LDLRAD3: variants seen among roughly 807,000 people sequenced by gnomAD.
The protein encoded by LDLRAD3 is low density lipoprotein receptor class A domain containing 3.
In LDLRAD3, 20 loss-of-function variants were observed where a neutral mutation model predicts 29.4. That is an observed-to-expected ratio of 0.68 (90% confidence interval 0.48 to 0.99). The LOEUF is 0.99. Ranked by LOEUF, LDLRAD3 falls within the 50% of genes least tolerant of loss-of-function variation. The probability of loss-of-function intolerance (pLI) is 0.00; values close to 1 mark genes in which losing one functional copy is unlikely to be tolerated. For missense variants in LDLRAD3, 420 were observed against 454.3 expected (o/e 0.92, Z 0.69); for synonymous variants, 157 against 192.7 (o/e 0.81, Z 1.53).
At chr11:36,002,639 G>A (rs763492359) in intron 1 of LDLRAD3, among the ~76,000 whole-genome samples, 6 of 152,204 alleles carry the variant, frequency 3.9e-5, no homozygotes, top group Non-Finnish European at 5.9e-5. Context: ...GGGTCCACTG[G>A]AACCTCACTT....
chr11:36,185,854 C>T (rs1200429867), intron 4 of LDLRAD3, among the ~76,000 whole-genome samples: 2 of 152,206 alleles, frequency 1.3e-5, no homozygotes, highest in South Asian at 2.1e-4. Flanking sequence ...ATGCATTATG[C>T]TCTGTTGGCT....
At chr11:36,205,089 CT>C (rs1565303237) in intron 4 of LDLRAD3, among the ~76,000 whole-genome samples, 1 of 152,158 alleles carries the variant, frequency 6.6e-6, no homozygotes, top group Non-Finnish European at 1.5e-5. Flanking sequence ...AGTTTCCAAG[CT>C]CAGCTGGGAC....
chr11:35,950,858 C>T (rs551927965), intron 1 of LDLRAD3, among the ~76,000 whole-genome samples: 36 of 152,140 alleles, frequency 2.4e-4, no homozygotes, highest in African/African-American at 6.7e-4. Flanking sequence ...CCGAGGTGGG[C>T]GGATCACGAA....
chr11:36,026,695 A>G (rs1852171651), intron 1 of LDLRAD3, among the ~76,000 whole-genome samples: 1 of 152,240 alleles, frequency 6.6e-6, no homozygotes, highest in Non-Finnish European at 1.5e-5. Flanking sequence ...TGCTCATTAT[A>G]TGCTAATTAC....
chr11:36,170,870 T>G (rs1158253291), intron 4 of LDLRAD3, among the ~76,000 whole-genome samples: 3 of 151,898 alleles, frequency 2.0e-5, no homozygotes, highest in Admixed American at 2.0e-4. Flanking sequence ...GGCGCGATCT[T>G]GGCTCACTGA....
intron 1 of LDLRAD3, among the ~76,000 whole-genome samples, chr11:35,994,897 G>A (rs1851734739): frequency 1.3e-5 from 2 of 152,210 alleles, no homozygotes; most frequent in African/African-American, 4.8e-5. Flanking sequence ...TCCTGAGATT[G>A]CATCAATTCA....
At chr11:36,113,238 G>A (rs968089219) in intron 4 of LDLRAD3, among the ~76,000 whole-genome samples, 3 of 152,164 alleles carry the variant, frequency 2.0e-5, no homozygotes, top group African/African-American at 7.2e-5. Flanking sequence ...CCATCGTGAA[G>A]TGGCTAAAAT....
chr11:36,057,920 G>A (rs896434291), intron 2 of LDLRAD3, among the ~76,000 whole-genome samples: 1 of 152,192 alleles, frequency 6.6e-6, no homozygotes. Flanking sequence ...GAAATCTTGT[G>A]CAAGTCACTG....
Position 36,018,578 on chromosome 11 carries a change from C to T in LDLRAD3, c.47-17525C>T, listed in dbSNP as rs78694362. ...AACCCAGCCTTTTATGTGTTTCTCCCTGCATTTATATATTTCTAAGGCTAG... is the reference window on the plus strand; with the variant it reads ...AACCCAGCCTTTTATGTGTTTCTCCTTGCATTTATATATTTCTAAGGCTAG... On this transcript the variant is annotated intron_variant, in intron 1 of 5. Coordinates refer to ENST00000315571, the MANE Select transcript of LDLRAD3 (RefSeq NM_174902.4). Among the ~76,000 whole-genome samples the T allele has an allele frequency of 1.4e-3, 217 of 152,214 alleles. 5 individuals are homozygous for T. In the East Asian group the frequency reaches 0.036, roughly 25 times the overall value.
At chr11:36,215,569 T>G (rs1855341292) in intron 4 of LDLRAD3, among the ~76,000 whole-genome samples, 1 of 152,124 alleles carries the variant, frequency 6.6e-6, no homozygotes. Context: ...TCATCCTGCC[T>G]GCACTGGGAC....
intron 4 of LDLRAD3, among the ~76,000 whole-genome samples, chr11:36,223,245 T>C (rs1484670649): frequency 6.6e-6 from 1 of 152,184 alleles, no homozygotes; most frequent in Admixed American, 6.5e-5. Flanking sequence ...AAGAGAGGTC[T>C]GAAGAGAGCC....
chr11:36,138,176 C>T (rs941551120), intron 4 of LDLRAD3, among the ~76,000 whole-genome samples: 3 of 152,204 alleles, frequency 2.0e-5, no homozygotes, highest in African/African-American at 7.2e-5. Flanking sequence ...GCTCTGGATT[C>T]AGAGAGATCT....
intron 4 of LDLRAD3, among the ~76,000 whole-genome samples, chr11:36,210,745 A>T (rs2133381401): frequency 6.6e-6 from 1 of 152,286 alleles, no homozygotes; most frequent in East Asian, 1.9e-4. Context: ...CCACCCAGGG[A>T]GGTGGTGGTG....
chr11:36,145,393 C>T (rs1175574944), intron 4 of LDLRAD3, among the ~76,000 whole-genome samples: 2 of 101,854 alleles, frequency 2.0e-5, no homozygotes, highest in African/African-American at 9.2e-5. Context: ...GGGGGGTCAG[C>T]CCCCCGCCCA....
chr11:36,054,793 C>CATGG (rs751739083), intron 2 of LDLRAD3, among the ~76,000 whole-genome samples: 52 of 109,542 alleles, frequency 4.7e-4, no homozygotes, highest in Admixed American at 1.1e-3. Context: ...ATGATGGGTA[C>CATGG]ATGGATGGAT....
At chr11:36,157,970 C>T (rs544751726) in intron 4 of LDLRAD3, among the ~76,000 whole-genome samples, 1 of 152,270 alleles carries the variant, frequency 6.6e-6, no homozygotes, top group Admixed American at 6.5e-5. Flanking sequence ...GCAATTTGGA[C>T]CCCAACCTAC....
intron 2 of LDLRAD3, among the ~76,000 whole-genome samples, chr11:36,063,080 C>CT (rs1302666971): frequency 6.6e-6 from 1 of 152,080 alleles, no homozygotes; most frequent in Non-Finnish European, 1.5e-5. Flanking sequence ...TTTGAGAGGC[C>CT]TGAAAGTCCT....
chr11:36,200,909 T>C (rs527264195), intron 4 of LDLRAD3, among the ~76,000 whole-genome samples: 1 of 152,310 alleles, frequency 6.6e-6, no homozygotes, highest in East Asian at 1.9e-4. Context: ...ACATGATCAA[T>C]GTCTCCTTCC....
Position 36,098,371 on chromosome 11 carries a change from A to C in LDLRAD3, c.364A>C (p.Asn122His). The change falls in exon 4 of 6, where the codon AAC becomes CAC. Residue 122 changes from asparagine (N) to histidine (H), a missense_variant. By Grantham distance (68) the Asn-to-His change is moderately conservative. Coordinates refer to ENST00000315571, the MANE Select transcript of LDLRAD3 (RefSeq NM_174902.4). ...CTCCACCGCCCGCTACCACTGCAAG[A>C]ACGGCCTCTGTATTGACAAGAGCTT... is the stretch of plus-strand genomic sequence containing the variant. ...LCSTARYHCKNGLCIDKSFIC... is the reference protein window; with the variant it reads ...LCSTARYHCKHGLCIDKSFIC... 1 of 1,614,230 alleles carries C rather than the reference A, an allele frequency of 6.2e-7. No individual in the cohort carries two copies. The highest frequency in any genetic ancestry group is 8.5e-7 in the Non-Finnish European group (1 of 1,180,040).
Sources: gnomAD v4.1 joint callset for allele counts (sites outside exome capture counted in the v4.1 genomes callset) on GRCh38, gnomAD v4.1.1 for gene constraint, MANE v1.5 for transcripts, NCBI Gene and HGNC (gene_info 2026-07-23, HGNC 2026-07-21) for gene names.